The following TNPO3 variants were observed in gnomAD, a reference collection of about 807,000 sequenced individuals.
The protein encoded by TNPO3 is transportin-3.
In TNPO3, 65 loss-of-function variants were observed where a neutral mutation model predicts 122.8. That is an observed-to-expected ratio of 0.53 (90% confidence interval 0.43 to 0.65). The LOEUF (loss-of-function observed/expected upper bound fraction) is 0.65, where lower values mean the gene tolerates loss of function less well. TNPO3 is among the 30% of genes least tolerant of loss of function. The pLI is 0.00. For synonymous variants in TNPO3, 372 were observed against 411.2 expected, an observed-to-expected ratio of 0.90 and a Z score of 1.15; for missense variants, 850 against 1,136.7, an observed-to-expected ratio of 0.75 and a Z score of 3.63.
chr7:129,021,435 G>A (rs1804502637), intron 1 of TNPO3, among the ~76,000 whole-genome samples: 1 of 151,678 alleles, frequency 6.6e-6, no homozygotes, highest in South Asian at 2.1e-4. Flanking sequence ...TGAAGGGGAT[G>A]CCAACAGTTT....
intron 16 of TNPO3, among the ~76,000 whole-genome samples, 160 bp downstream of exon 16, chr7:128,978,823 G>C (rs760306670): frequency 6.6e-6 from 1 of 152,072 alleles, no homozygotes; most frequent in Non-Finnish European, 1.5e-5. Flanking sequence ...GTAGAGACAG[G>C]GTTTCACCAT....
intron 5 of TNPO3, among the ~76,000 whole-genome samples, chr7:129,004,233 A>G (rs1802326081): frequency 6.6e-6 from 1 of 152,198 alleles, no homozygotes; most frequent in African/African-American, 2.4e-5. Context: ...CTTCTGAGTA[A>G]TAGCGCATCG....
intron 4 of TNPO3, among the ~76,000 whole-genome samples, chr7:129,012,003 C>CTTTTTTTTTTTTTTTTTTT (rs1174882837): frequency 3.0e-5 from 4 of 131,706 alleles, no homozygotes; most frequent in East Asian, 2.1e-4. Context: ...CTTTTTCTTT[C>CTTTTTTTTTTTTTTTTTTT]TTTTTTTTTT....
At chr7:129,037,223 A>G (rs1806791898) in intron 1 of TNPO3, among the ~76,000 whole-genome samples, 1 of 152,222 alleles carries the variant, frequency 6.6e-6, no homozygotes, top group African/African-American at 2.4e-5. Flanking sequence ...ATATAATGAC[A>G]GAAACAATAC....
intron 8 of TNPO3, among the ~76,000 whole-genome samples, chr7:128,994,347 A>G (rs1209779772): frequency 6.6e-6 from 1 of 151,974 alleles, no homozygotes; most frequent in Non-Finnish European, 1.5e-5. Context: ...TAGTAGAGAC[A>G]GGGTTTTACC....
chr7:128,979,925 A>G, intron 15 of TNPO3, 46 bp downstream of exon 15: 1 of 1,577,942 alleles, frequency 6.3e-7, no homozygotes, highest in South Asian at 1.1e-5. Context: ...CCCTGTAAGG[A>G]AAAAAGAAGC....
intron 14 of TNPO3, among the ~76,000 whole-genome samples, chr7:128,981,631 C>T (rs1377611897): frequency 6.6e-6 from 1 of 151,928 alleles, no homozygotes; most frequent in South Asian, 2.1e-4. Context: ...TTGATAAGCC[C>T]AGGTGATTCT....
rs1800783239 is a variant in TNPO3, at chr7:128,991,910, G to GT, written c.1358+88dup. On this transcript the variant is annotated intron_variant, in intron 10 of 22. Transcript: ENST00000265388. ...AGTAAGAAGTTCTGAAAGTCTCCAGGTATATACCATATAAGAAAAAAAAAA... is the reference window on the plus strand; with the variant it reads ...AGTAAGAAGTTCTGAAAGTCTCCAGGTTATATACCATATAAGAAAAAAAAAA... The GT allele has an allele frequency of 1.9e-5, 16 of 836,376 alleles. No individual in the cohort carries two copies. In the South Asian group the frequency reaches 2.9e-4, roughly 15 times the overall value. 51.8% of individuals were successfully genotyped at this position (836,376 alleles called of 1,614,324 possible).
intron 1 of TNPO3, among the ~76,000 whole-genome samples, chr7:129,019,901 CAG>C (rs1259168980): frequency 1.3e-5 from 2 of 152,022 alleles, no homozygotes; most frequent in African/African-American, 4.8e-5. Flanking sequence ...GAGGCTGAGA[CAG>C]GAAAATAGCT....
At chr7:128,983,911 A>G (rs1471088360) in intron 13 of TNPO3, among the ~76,000 whole-genome samples, 1 of 152,162 alleles carries the variant, frequency 6.6e-6, no homozygotes, top group East Asian at 1.9e-4. Flanking sequence ...GGTCACTCAT[A>G]CTGGCTCAGG....
At chr7:129,029,824 C>T (rs1181925679) in intron 1 of TNPO3, 1 of 152,118 alleles carries the variant, frequency 6.6e-6, no homozygotes, top group Non-Finnish European at 1.5e-5. Context: ...AGATCAAGAC[C>T]ATCCTGGCTA....
chr7:129,048,403 G>A (rs1383993259), intron 1 of TNPO3, among the ~76,000 whole-genome samples: 3 of 152,122 alleles, frequency 2.0e-5, no homozygotes, highest in Non-Finnish European at 4.4e-5. Context: ...GGTGGCATGT[G>A]CCTGTAGTCC....
Position 128,954,810 on chromosome 7 carries a change from G to A in TNPO3, c.*607C>T. On this transcript the variant is annotated 3_prime_UTR_variant, in exon 23 of 23. Coordinates refer to ENST00000265388, the MANE Select transcript of TNPO3 (RefSeq NM_012470.4). ...CTACTCATTTGCATTTAAAAGGAGGGGAGAGAGAAAGAGAAGGAAGGGTAG... is the reference window on the plus strand; with the variant it reads ...CTACTCATTTGCATTTAAAAGGAGGAGAGAGAGAAAGAGAAGGAAGGGTAG... 6.5e-6 allele frequency: 1 copy of A among 153,752 alleles called. No homozygotes were observed. Among genetic ancestry groups the A allele is most frequent in the East Asian group, 1.9e-4 (1 of 5,194 alleles). 9.5% of individuals were successfully genotyped at this position (153,752 alleles called of 1,614,324 possible). A position where few individuals can be genotyped will look rare whatever the true frequency, so the allele number is the denominator to read the frequency against.
Position 129,024,628 on chromosome 7 carries a change from G to A in TNPO3, c.121-6471C>T, listed in dbSNP as rs57939992. Among the ~76,000 whole-genome samples, 1,913 of 152,124 alleles carry A rather than the reference G, an allele frequency of 0.013. 142 individuals are homozygous for A. The East Asian group carries it at 0.21, about 17-fold the overall frequency. Reference sequence around the variant, plus strand: ...CTCTAGATCCAGCAGCTAATTTGCCGGAAAAACAAGGGAGAGTAGAACTGA... The same window carrying A: ...CTCTAGATCCAGCAGCTAATTTGCCAGAAAAACAAGGGAGAGTAGAACTGA... On this transcript the variant is annotated intron_variant, in intron 1 of 22. Coordinates refer to ENST00000265388, the MANE Select transcript of TNPO3 (RefSeq NM_012470.4).
At chr7:129,050,226 T>C (rs1359032584) in intron 1 of TNPO3, among the ~76,000 whole-genome samples, 4 of 150,928 alleles carry the variant, frequency 2.7e-5, no homozygotes, top group Non-Finnish European at 5.9e-5. Context: ...TACTAAAAAA[T>C]ACAAAAAATT....
intron 1 of TNPO3, among the ~76,000 whole-genome samples, chr7:129,031,980 C>T (rs911485827): frequency 1.3e-5 from 2 of 152,110 alleles, no homozygotes; most frequent in African/African-American, 2.4e-5. Context: ...AGCCATCACG[C>T]CTGGCTTTTC....
At chr7:129,042,871 A>C (rs906935146) in intron 1 of TNPO3, among the ~76,000 whole-genome samples, 1 of 151,964 alleles carries the variant, frequency 6.6e-6, no homozygotes, top group Admixed American at 6.6e-5. Flanking sequence ...CCTCCAAAAA[A>C]AAAAAAAAAA....
At chr7:129,030,749 G>T (rs1805835843) in intron 1 of TNPO3, among the ~76,000 whole-genome samples, 1 of 151,916 alleles carries the variant, frequency 6.6e-6, no homozygotes, top group Non-Finnish European at 1.5e-5. Flanking sequence ...GGAAGACTAG[G>T]ATATAGGTCA....
chr7:128,973,249 G>C (rs1156710160), intron 18 of TNPO3, among the ~76,000 whole-genome samples: 1 of 152,088 alleles, frequency 6.6e-6, no homozygotes, highest in African/African-American at 2.4e-5. Context: ...GGTAAGCTTG[G>C]GAAATGCTGC....
Sources: allele counts gnomAD v4.1 joint callset (sites outside exome capture counted in the v4.1 genomes callset), GRCh38; gene constraint gnomAD v4.1.1; transcripts MANE v1.5; gene names NCBI Gene and HGNC (gene_info 2026-07-23, HGNC 2026-07-21).